Variants in ERMP1 observed in about 807,000 individuals in gnomAD.
ERMP1 encodes the protein endoplasmic reticulum metallopeptidase 1.
ERMP1 carries 86 observed loss-of-function variants against 92.0 expected under a neutral mutation model. The ratio of observed to expected loss-of-function variants is 0.93; its 90% confidence interval spans 0.79 to 1.12. The LOEUF (loss-of-function observed/expected upper bound fraction) is 1.12, where lower values mean the gene tolerates loss of function less well. Among genes scored for constraint, ERMP1 ranks in the 50% most tolerant of loss-of-function variants. The pLI is 0.00. For missense variants in ERMP1, 1,342 were observed against 1,116.3 expected (o/e 1.20, Z -2.88); for synonymous variants, 530 against 412.8 (o/e 1.28, Z -3.44).
At position 5,833,106 on chromosome 9, in the gene ERMP1, G is replaced by A. The variant is rs1435855043; in HGVS notation, c.-79C>T. On this transcript the variant is annotated 5_prime_UTR_variant, in exon 1 of 15. Transcript: ENST00000339450. ...CGCCGCCGACGCCGCCGTCGCTGCC[G>A]CAGCGCCTCCTAGTGAGCGGACGGA... is the stretch of plus-strand genomic sequence containing the variant. 4.7e-6 allele frequency: 6 copies of A among 1,269,926 alleles called. No individual in the cohort carries two copies. Among genetic ancestry groups the A allele is most frequent in the African/African-American group, 3.2e-5 (2 of 63,348 alleles). The allele number at this position is 1,269,926 out of a possible 1,614,324, so 78.7% of individuals were successfully genotyped here. A position where few individuals can be genotyped will look rare whatever the true frequency, so the allele number is the denominator to read the frequency against.
intron 6 of ERMP1, among the ~76,000 whole-genome samples, chr9:5,839,308 G>C (rs764043020): frequency 1.3e-5 from 2 of 152,136 alleles, no homozygotes; most frequent in African/African-American, 4.8e-5. Flanking sequence ...AATGGCTTTG[G>C]ATTTTGAATT....
upstream of ERMP1, among the ~76,000 whole-genome samples, chr9:5,836,781 C>A (rs1048238498): frequency 6.6e-6 from 1 of 152,188 alleles, no homozygotes; most frequent in South Asian, 2.1e-4. Flanking sequence ...CTCCAACAAG[C>A]CAGGAAACCT....
At position 5,823,958 on chromosome 9, in the gene ERMP1, A is replaced by T; in HGVS notation, c.812T>A (p.Ile271Asn). ...TGCCTCTAGGTTAATGAATGCACGA[A>T]TCAAGCTAGCCCAGGGGTGCTGAGT... ...FITQHPWASLIRAFINLEAAG... is the reference protein window; with the variant it reads ...FITQHPWASLNRAFINLEAAG... Residue 271 changes from isoleucine to asparagine, a missense_variant, in exon 4 of 15, where the codon ATT becomes AAT. Coordinates refer to ENST00000339450, the MANE Select transcript of ERMP1 (RefSeq NM_024896.3). 1 of 1,614,222 alleles carries T rather than the reference A, an allele frequency of 6.2e-7. No individual in the cohort carries two copies. Among genetic ancestry groups the T allele is most frequent in the Non-Finnish European group, 8.5e-7 (1 of 1,180,036 alleles).
intron 8 of ERMP1, among the ~76,000 whole-genome samples, chr9:5,808,757 A>T (rs1193598445): frequency 2.6e-5 from 4 of 152,106 alleles, no homozygotes; most frequent in African/African-American, 9.7e-5. Context: ...TGTTTGTTTG[A>T]GATAGGGTCT....
intron 6 of ERMP1, among the ~76,000 whole-genome samples, chr9:5,842,051 G>A (rs1830170954): frequency 6.6e-6 from 1 of 151,928 alleles, no homozygotes; most frequent in South Asian, 2.1e-4. Context: ...GAGCGTTACA[G>A]CATATAAAGG....
At chr9:5,861,589 G>C (rs1476893209) in intron 5 of ERMP1, among the ~76,000 whole-genome samples, 3 of 152,044 alleles carry the variant, frequency 2.0e-5, no homozygotes, top group Admixed American at 6.6e-5. Flanking sequence ...AGATGCACAA[G>C]ACAGGGCCTC....
chr9:5,805,805 A>G lies in ERMP1; in HGVS notation c.1549-20T>C, dbSNP rs750426122. ...GGCATTCTGAAAGAAAGAAAAATAT[A>G]CAAGTAGTCTCATTCAGGGGTCATG... On this transcript the variant is annotated intron_variant, in intron 8 of 14. Coordinates refer to ENST00000339450, the MANE Select transcript of ERMP1 (RefSeq NM_024896.3). 1 of 1,573,972 alleles carries G rather than the reference A, an allele frequency of 6.4e-7. No homozygotes were observed. The highest frequency in any genetic ancestry group is 1.2e-5 in the South Asian group (1 of 84,570).
chr9:5,790,273 G>A (rs569873529), intron 13 of ERMP1, among the ~76,000 whole-genome samples: 36 of 150,626 alleles, frequency 2.4e-4, no homozygotes, highest in African/African-American at 8.3e-4. Context: ...TCTGCCTCCC[G>A]GGTTCAAGTA....
upstream of ERMP1, among the ~76,000 whole-genome samples, chr9:5,835,024 T>TGTGTGA (rs1270876013): frequency 1.5e-5 from 2 of 133,742 alleles, no homozygotes; most frequent in African/African-American, 2.8e-5. Context: ...TGTGTGTGTG[T>TGTGTGA]GAAAGATCCT....
chr9:5,805,151 T>C lies in ERMP1; in HGVS notation c.1790A>G (p.Tyr597Cys). The C allele has an allele frequency of 6.2e-7, 1 of 1,613,418 alleles. No homozygotes were observed. The highest frequency in any genetic ancestry group is 8.5e-7 in the Non-Finnish European group (1 of 1,179,802). Residue 597 changes from tyrosine to cysteine, a missense_variant, in exon 10 of 15, where the codon TAC becomes TGC. Transcript: ENST00000339450. ...GMFIPYLYAL[Y>C]LIWAVFEMFT... ...CATCTCAAATACTGCCCAGATGAGG[T>C]ACAATGCATAAAGATAAGGAATAAA...
chr9:5,821,653 T>C (rs755981744), intron 4 of ERMP1, among the ~76,000 whole-genome samples: 13 of 152,168 alleles, frequency 8.5e-5, no homozygotes, highest in Admixed American at 7.2e-4. Flanking sequence ...TTAATATATA[T>C]GTACATAGAA....
At chr9:5,822,914 T>C (rs1829594746) in intron 4 of ERMP1, among the ~76,000 whole-genome samples, 1 of 152,216 alleles carries the variant, frequency 6.6e-6, no homozygotes, top group Admixed American at 6.5e-5. Context: ...CCCACATGCT[T>C]AGCGTTCCAA....
chr9:5,828,971 C>T (rs1479600006), intron 2 of ERMP1, among the ~76,000 whole-genome samples: 2 of 152,046 alleles, frequency 1.3e-5, no homozygotes, highest in Non-Finnish European at 2.9e-5. Context: ...TGGCCGGGCA[C>T]AGTGGCTCAC....
In ERMP1 at chr9:5,795,999, A is replaced by C. The variant is rs187986217; in HGVS notation, c.2386+1818T>G. Among the ~76,000 whole-genome samples the C allele has an allele frequency of 1.3e-3, 195 of 152,284 alleles. 3 individuals are homozygous for C. Among genetic ancestry groups the C allele is most frequent in the African/African-American group, 4.6e-3 (190 of 41,560 alleles). The stretch of plus-strand genomic sequence containing the variant: ...CCCAAAAATAACTACTTAAAAATAA[A>C]TCTAACAAAATATATATAAGGATTC... On this transcript the variant is annotated intron_variant, in intron 13 of 14. Coordinates refer to ENST00000339450, the MANE Select transcript of ERMP1 (RefSeq NM_024896.3).
rs1828496128 is a variant in ERMP1, at chr9:5,797,812, C to T, written c.2386+5G>A. On this transcript the variant is annotated splice_donor_5th_base_variant and intron_variant, in intron 13 of 14. Transcript: ENST00000339450. ...GAGGGGAGAAAAAACTATTATATGA[C>T]TTACCTGTTGCTTCAAAAGTCAATT... is the stretch of plus-strand genomic sequence containing the variant. 1.3e-6 allele frequency: 2 copies of T among 1,550,778 alleles called. No individual in the cohort carries two copies. Among genetic ancestry groups the T allele is most frequent in the East Asian group, 4.5e-5 (2 of 44,514 alleles).
At chr9:5,860,881 T>C (rs1375294449) in intron 5 of ERMP1, among the ~76,000 whole-genome samples, 2 of 152,258 alleles carry the variant, frequency 1.3e-5, no homozygotes, top group African/African-American at 4.8e-5. Context: ...GCTGGTTCCC[T>C]ATAAAAGGGT....
At chr9:5,855,345 A>T (rs760236829) in intron 6 of ERMP1, among the ~76,000 whole-genome samples, 24 of 152,230 alleles carry the variant, frequency 1.6e-4, no homozygotes, top group Non-Finnish European at 3.4e-4. Context: ...TTTCATTGTC[A>T]CCAGGAGGGC....
intron 13 of ERMP1, among the ~76,000 whole-genome samples, chr9:5,794,655 G>T (rs1828341125): frequency 6.6e-6 from 1 of 152,082 alleles, no homozygotes; most frequent in Non-Finnish European, 1.5e-5. Context: ...TAGATAAAAT[G>T]AACCAATTCT....
At chr9:5,808,693 C>T (rs1828963399) in intron 8 of ERMP1, among the ~76,000 whole-genome samples, 2 of 152,188 alleles carry the variant, frequency 1.3e-5, no homozygotes, top group Non-Finnish European at 1.5e-5. Flanking sequence ...TGACTCTTCA[C>T]TGTAATTCAT....
Sources: gnomAD v4.1 joint callset for allele counts (sites outside exome capture counted in the v4.1 genomes callset) on GRCh38, gnomAD v4.1.1 for gene constraint, MANE v1.5 for transcripts, NCBI Gene and HGNC (gene_info 2026-07-23, HGNC 2026-07-21) for gene names.